Variants in PROSER2 observed in about 807,000 individuals in gnomAD.
PROSER2 encodes proline and serine-rich protein 2.
PROSER2 carries 18 observed loss-of-function variants against 14.6 expected under a neutral mutation model. That is an observed-to-expected ratio of 1.23 (90% CI 0.85 to 1.83). The LOEUF is 1.83. PROSER2 is among the 40% of genes most tolerant of loss of function. The pLI is 0.00. For missense variants in PROSER2, 823 were observed against 629.8 expected, an observed-to-expected ratio of 1.31 and a Z score of -3.28; for synonymous variants, 367 against 286.4, an observed-to-expected ratio of 1.28 and a Z score of -2.84.
chr10:11,853,309 C>T (rs1564309028), intron 2 of PROSER2, among the ~76,000 whole-genome samples: 1 of 151,680 alleles, frequency 6.6e-6, no homozygotes, highest in South Asian at 2.1e-4. Flanking sequence ...TTTGATTGGC[C>T]GGGCACAGTG....
chr10:11,829,556 T>C (rs1371538692), intron 1 of PROSER2, among the ~76,000 whole-genome samples: 1 of 151,946 alleles, frequency 6.6e-6, no homozygotes, highest in East Asian at 1.9e-4. Flanking sequence ...CATTCTAGCC[T>C]GTAAGACAGA....
intron 1 of PROSER2, among the ~76,000 whole-genome samples, chr10:11,843,206 C>T (rs1833874746): frequency 6.7e-6 from 1 of 148,634 alleles, no homozygotes; most frequent in Non-Finnish European, 1.5e-5. Context: ...TCCCAAAGTG[C>T]CGGGATTACA....
At position 11,870,683 on chromosome 10, in the gene PROSER2, T is replaced by G. The variant is rs1834469822; in HGVS notation, c.*277T>G. The G allele has an allele frequency of 8.2e-6, 3 of 367,634 alleles. No individual in the cohort carries two copies. The highest frequency in any genetic ancestry group is 2.1e-5 in the African/African-American group (1 of 46,578). The allele number at this position is 367,634 out of a possible 1,614,324, so 22.8% of individuals were successfully genotyped here. On this transcript the variant is annotated 3_prime_UTR_variant, in exon 4 of 4. Transcript: ENST00000277570. ...AACTGAGAGAGAGAGAATAACCTGT[T>G]AGACCCATAGGTTTCCGTGATGTGT... is the stretch of plus-strand genomic sequence containing the variant.
chr10:11,859,958 G>A (rs1310585587), intron 2 of PROSER2, among the ~76,000 whole-genome samples: 2 of 152,196 alleles, frequency 1.3e-5, no homozygotes, highest in Non-Finnish European at 2.9e-5. Context: ...GGGAGGGGTA[G>A]ACAGATTCTC....
intron 1 of PROSER2, among the ~76,000 whole-genome samples, chr10:11,824,101 G>A (rs1368530606): frequency 1.3e-5 from 2 of 152,198 alleles, no homozygotes; most frequent in South Asian, 2.1e-4. Context: ...ATTGTTTTAC[G>A]GAGTCTAAAT....
chr10:11,828,950 G>C (rs560281698), intron 1 of PROSER2, among the ~76,000 whole-genome samples: 1 of 152,214 alleles, frequency 6.6e-6, no homozygotes, highest in East Asian at 1.9e-4. Context: ...GCTGGAGAAC[G>C]TAGCATTTGA....
chr10:11,858,181 C>G (rs949018032), intron 2 of PROSER2, among the ~76,000 whole-genome samples: 1 of 152,074 alleles, frequency 6.6e-6, no homozygotes, highest in Non-Finnish European at 1.5e-5. Context: ...TCTAGTGATT[C>G]GGCCTCTCAG....
chr10:11,823,743 T>G lies in PROSER2; in HGVS notation c.-82+273T>G, dbSNP rs1833572839. Among the ~76,000 whole-genome samples, 1 of 152,028 alleles carries G rather than the reference T, an allele frequency of 6.6e-6. No individual in the cohort carries two copies. Among genetic ancestry groups the G allele is most frequent in the Non-Finnish European group, 1.5e-5 (1 of 67,972 alleles). On this transcript the variant is annotated intron_variant, in intron 1 of 3. Coordinates refer to ENST00000277570, the MANE Select transcript of PROSER2 (RefSeq NM_153256.4). The surrounding 1 kb of genome is among the most constrained non-coding windows in gnomAD (Gnocchi z 6.2). ...CGGGGAGCGCGCTGGGTTCCGAGTC[T>G]GGGGCTATCCTGGGGGCTCAGGGGT...
intron 2 of PROSER2, among the ~76,000 whole-genome samples, chr10:11,863,869 C>T (rs906093539): frequency 2.6e-5 from 4 of 152,148 alleles, no homozygotes; most frequent in Non-Finnish European, 4.4e-5. Context: ...TGTGGTTGCT[C>T]ATGGTTTCGG....
intron 2 of PROSER2, chr10:11,863,021 T>C (rs1206632416): frequency 6.6e-6 from 1 of 152,212 alleles, no homozygotes; most frequent in Non-Finnish European, 1.5e-5. Flanking sequence ...CCGGCGATTG[T>C]GCATAGGTTT....
intron 1 of PROSER2, among the ~76,000 whole-genome samples, chr10:11,828,720 TAAAC>T (rs1475392434): frequency 3.9e-5 from 6 of 152,010 alleles, no homozygotes; most frequent in African/African-American, 1.2e-4. Context: ...AATAAATAAA[TAAAC>T]AAACATGCTG....
intron 1 of PROSER2, chr10:11,850,003 G>C (rs1379791396): frequency 1.3e-5 from 2 of 152,256 alleles, no homozygotes; most frequent in Non-Finnish European, 2.9e-5. Flanking sequence ...ATGTGGCCCT[G>C]GATCTTGGAT....
chr10:11,859,829 T>A, intron 2 of PROSER2, among the ~76,000 whole-genome samples: 1 of 152,366 alleles, frequency 6.6e-6, no homozygotes, highest in Middle Eastern at 3.4e-3. Context: ...CATTTTAGAA[T>A]GTTTTCCTCT....
rs1170532565 is a variant in PROSER2 at position 11,870,422 on chromosome 10, C to T, written c.*16C>T. ...GAGTTCGTGAGGGCCGCGCGGGCTC[C>T]AGTCCACCCCGTTTCTCCCCACCCT... On this transcript the variant is annotated 3_prime_UTR_variant, in exon 4 of 4. Coordinates refer to ENST00000277570, the MANE Select transcript of PROSER2 (RefSeq NM_153256.4). 6.8e-7 allele frequency: 1 copy of T among 1,461,648 alleles called. No homozygotes were observed. Among genetic ancestry groups the T allele is most frequent in the African/African-American group, 1.5e-5 (1 of 67,098 alleles). 90.5% of individuals were successfully genotyped at this position (1,461,648 alleles called of 1,614,324 possible).
intron 1 of PROSER2, chr10:11,831,758 A>C (rs1295856186): frequency 6.6e-6 from 1 of 152,116 alleles, no homozygotes; most frequent in Non-Finnish European, 1.5e-5. Context: ...TATCTTTTTC[A>C]GTGATGGCGA....
rs1407704015 is a variant in PROSER2 at position 11,866,632 on chromosome 10, G to GCTGT, written c.241_244dup (p.Cys82SerfsTer25). The GCTGT allele has an allele frequency of 1.2e-6, 2 of 1,614,104 alleles. No homozygotes were observed. The highest frequency in any genetic ancestry group is 2.7e-5 in the African/African-American group (2 of 74,942). On this transcript the variant is annotated frameshift_variant, in exon 3 of 4. Transcript: ENST00000277570. LOFTEE classifies it high-confidence loss of function. This position sits in a 1 kb window ranked among gnomAD's most constrained non-coding sequence, Gnocchi z 6.0. ...TAGACGAGGACTTTGAGGAGCCAGTGCTGTGCGATGGAGGAGTGTGCTGCC... is the reference window on the plus strand; with the variant it reads ...TAGACGAGGACTTTGAGGAGCCAGTGCTGTCTGTGCGATGGAGGAGTGTGCTGCC...
chr10:11,868,404 T>G (rs1005462436), intron 3 of PROSER2, among the ~76,000 whole-genome samples: 11 of 152,112 alleles, frequency 7.2e-5, no homozygotes, highest in Non-Finnish European at 1.5e-4. Context: ...GCCTCCCAAG[T>G]AGCTGGCACT....
At chr10:11,858,877 C>T (rs1834175906) in intron 2 of PROSER2, among the ~76,000 whole-genome samples, 1 of 151,474 alleles carries the variant, frequency 6.6e-6, no homozygotes, top group South Asian at 2.1e-4. Flanking sequence ...GGCGTGTTGG[C>T]AGGTGCCTAT....
In PROSER2 at chr10:11,871,740, A is replaced by C. The variant is rs1298738238; in HGVS notation, c.*1334A>C. On this transcript the variant is annotated 3_prime_UTR_variant, in exon 4 of 4. Transcript: ENST00000277570. ...ACAGGAAGGGCTGCCCTGAGCAGTG[A>C]CACCTTTGTGTTTTTATGTCTCCGC... is the stretch of plus-strand genomic sequence containing the variant. The C allele has an allele frequency of 6.6e-6, 1 of 152,190 alleles. No homozygotes were observed. Among genetic ancestry groups the C allele is most frequent in the African/African-American group, 2.4e-5 (1 of 41,454 alleles). The allele number at this position is 152,190 out of a possible 1,614,324, so 9.4% of individuals were successfully genotyped here.
Sources: gnomAD v4.1 joint callset for allele counts (sites outside exome capture counted in the v4.1 genomes callset) on GRCh38, gnomAD v4.1.1 for gene constraint, Gnocchi (gnomAD v3.1) non-coding constraint, MANE v1.5 for transcripts, NCBI Gene and HGNC (gene_info 2026-07-23, HGNC 2026-07-21) for gene names.